Variants in CDH1 observed in about 807,000 individuals in gnomAD.
The protein encoded by CDH1 is cadherin 1.
A neutral mutation model predicts 84.5 loss-of-function variants in CDH1; 35 were observed. The ratio of observed to expected loss-of-function variants is 0.41; its 90% CI spans 0.32 to 0.55. The LOEUF is 0.55. Among genes scored for constraint, CDH1 ranks in the 20% least tolerant of loss-of-function variants. The probability of loss-of-function intolerance (pLI) is 0.19; values close to 1 mark genes in which losing one functional copy is unlikely to be tolerated. For synonymous variants in CDH1, 417 were observed against 439.0 expected (o/e 0.95, Z 0.63); for missense variants, 994 against 1,126.6 (o/e 0.88, Z 1.68).
At chr16:68,828,121 G>A (rs1222375307) in intron 13 of CDH1, 53 bp from the exon 14 acceptor site, 5 of 1,608,310 alleles carry the variant, frequency 3.1e-6, no homozygotes, top group East Asian at 4.5e-5. Flanking sequence ...GCTGCTTCTG[G>A]CCTTCTTTAT....
In CDH1 at chr16:68,823,397, A is replaced by G. The variant is rs758746072; in HGVS notation, c.1937-2A>G. 6.2e-7 allele frequency: 1 copy of G among 1,603,292 alleles called. No individual in the cohort carries two copies. Among genetic ancestry groups the G allele is most frequent in the South Asian group, 1.1e-5 (1 of 90,856 alleles). On this transcript the variant is annotated splice_acceptor_variant, in intron 12 of 15. Transcript: ENST00000261769. LOFTEE classifies it high-confidence loss of function. ...ATCATTTCTTTTTATTGCTTTCTCC[A>G]GCCCAAGAATCTATCATTTTGAAGC...
intron 2 of CDH1, among the ~76,000 whole-genome samples, chr16:68,788,764 C>T (rs1960134065): frequency 6.6e-6 from 1 of 151,842 alleles, no homozygotes; most frequent in Admixed American, 6.6e-5. Context: ...TTTTGGAGGC[C>T]GAGACGGGTG....
intron 2 of CDH1, among the ~76,000 whole-genome samples, chr16:68,742,752 C>T (rs550487404): frequency 2.4e-4 from 36 of 152,288 alleles, no homozygotes; most frequent in Middle Eastern, 3.4e-3. Context: ...ATGTGCTGAA[C>T]GTTTCAGAAA....
chr16:68,757,638 G>T (rs1963046819), intron 2 of CDH1, among the ~76,000 whole-genome samples: 1 of 152,132 alleles, frequency 6.6e-6, no homozygotes, highest in Admixed American at 6.6e-5. Context: ...TAGAGAAGAT[G>T]AACTGGGAGG....
rs1555518209 is a variant in CDH1 at position 68,833,286 on chromosome 16, T to C, written c.2440-4T>C. 1 of 1,613,798 alleles carries C rather than the reference T, an allele frequency of 6.2e-7. No homozygotes were observed. The highest frequency in any genetic ancestry group is 8.5e-7 in the Non-Finnish European group (1 of 1,179,714). ...AAAAGATGCTTTTGTCCCTTCTTCT[T>C]TAGAATCTGAAAGCGGCTGATACTG... On this transcript the variant is annotated splice_region_variant and splice_polypyrimidine_tract_variant and intron_variant, in intron 15 of 15. Transcript: ENST00000261769.
intron 2 of CDH1, among the ~76,000 whole-genome samples, chr16:68,794,686 T>A (rs1182703222): frequency 1.4e-5 from 1 of 69,314 alleles, no homozygotes; most frequent in Admixed American, 1.4e-4. Flanking sequence ...CCGGGCTAAC[T>A]TTTTTTTTTT....
Position 68,829,542 on chromosome 16 carries a change from C to T in CDH1, c.2296-112C>T, listed in dbSNP as rs1961419959. ...TTGCATTAAACTGGTAAAGATCATACAGTTGGCAGTGAAGGCATCATCCAA... is the reference window on the plus strand; with the variant it reads ...TTGCATTAAACTGGTAAAGATCATATAGTTGGCAGTGAAGGCATCATCCAA... On this transcript the variant is annotated intron_variant, in intron 14 of 15. Transcript: ENST00000261769. 3 of 1,033,030 alleles carry T rather than the reference C, an allele frequency of 2.9e-6. No homozygotes were observed. The East Asian group carries it at 7.6e-5, about 26-fold the overall frequency. The allele number at this position is 1,033,030 out of a possible 1,614,324, so 64.0% of individuals were successfully genotyped here.
At chr16:68,832,005 C>T (rs1790614925) in intron 15 of CDH1, among the ~76,000 whole-genome samples, 1 of 152,092 alleles carries the variant, frequency 6.6e-6, no homozygotes, top group Non-Finnish European at 1.5e-5. Flanking sequence ...GAGCTGGAGG[C>T]CATTATCCTT....
intron 2 of CDH1, among the ~76,000 whole-genome samples, chr16:68,762,735 C>G (rs192275784): frequency 1.3e-5 from 2 of 151,990 alleles, no homozygotes; most frequent in East Asian, 3.9e-4. Flanking sequence ...ATGGCGAAAC[C>G]CAGTCTGTAC....
intron 2 of CDH1, among the ~76,000 whole-genome samples, chr16:68,742,001 T>C (rs1308134037): frequency 6.6e-6 from 1 of 152,146 alleles, no homozygotes; most frequent in Non-Finnish European, 1.5e-5. Flanking sequence ...TTGCTGCTTA[T>C]TTTCCTTCTT....
chr16:68,771,587 A>G (rs1959575565), intron 2 of CDH1, among the ~76,000 whole-genome samples: 1 of 152,046 alleles, frequency 6.6e-6, no homozygotes, highest in Non-Finnish European at 1.5e-5. Context: ...CCCCGTCTCT[A>G]TTAAAAATAC....
At chr16:68,812,063 G>T in intron 7 of CDH1, 72 bp from the exon 8 acceptor site, 1 of 1,607,824 alleles carries the variant, frequency 6.2e-7, no homozygotes, top group Non-Finnish European at 8.5e-7. Context: ...CTGGTTCCAT[G>T]TGTTGGGCTG....
At chr16:68,739,955 G>C (rs1962515331) in intron 2 of CDH1, among the ~76,000 whole-genome samples, 1 of 152,070 alleles carries the variant, frequency 6.6e-6, no homozygotes, top group South Asian at 2.1e-4. Context: ...TGGTAGTTCT[G>C]ACTCAGGATG....
chr16:68,810,082 C>T lies in CDH1; in HGVS notation c.688-115C>T. On this transcript the variant is annotated intron_variant, in intron 5 of 15. Transcript: ENST00000261769. The stretch of plus-strand genomic sequence containing the variant: ...GTGAGAAAAGTCACCCACTGGGGGT[C>T]TCAGAGCCTAGGAAGGTGTGGCAGC... The T allele has an allele frequency of 3.8e-6, 4 of 1,065,422 alleles. No individual in the cohort carries two copies. The South Asian group carries it at 5.0e-5, about 13-fold the overall frequency. The allele number at this position is 1,065,422 out of a possible 1,614,324, so 66.0% of individuals were successfully genotyped here.
intron 15 of CDH1, among the ~76,000 whole-genome samples, chr16:68,832,344 T>G (rs974715925): frequency 1.3e-5 from 2 of 151,612 alleles, no homozygotes; most frequent in Admixed American, 6.6e-5. Context: ...GGTGTGGGGG[T>G]ACACACCTGT....
At chr16:68,737,876 C>A (rs1049612076) in intron 1 of CDH1, among the ~76,000 whole-genome samples, 12 of 152,144 alleles carry the variant, frequency 7.9e-5, no homozygotes, top group African/African-American at 2.2e-4. Flanking sequence ...AATAAAGGCA[C>A]CTGCCATGCC....
intron 2 of CDH1, among the ~76,000 whole-genome samples, chr16:68,754,001 C>A (rs1962955120): frequency 6.6e-6 from 1 of 151,736 alleles, no homozygotes; most frequent in Non-Finnish European, 1.5e-5. Context: ...CGCCTATAGT[C>A]CCAGCTACTT....
At chr16:68,780,650 G>A (rs1356025706) in intron 2 of CDH1, among the ~76,000 whole-genome samples, 1 of 152,172 alleles carries the variant, frequency 6.6e-6, no homozygotes, top group Non-Finnish European at 1.5e-5. Flanking sequence ...TGGCTAAAGG[G>A]CCTTGGAGTC....
intron 5 of CDH1, among the ~76,000 whole-genome samples, chr16:68,809,188 G>T (rs1438222384): frequency 1.3e-5 from 2 of 151,830 alleles, no homozygotes; most frequent in African/African-American, 2.4e-5. Flanking sequence ...CCATTTCTTG[G>T]GCTTGGCAGC....
Sources: allele counts gnomAD v4.1 joint callset (sites outside exome capture counted in the v4.1 genomes callset), GRCh38; gene constraint gnomAD v4.1.1; transcripts MANE v1.5; gene names NCBI Gene and HGNC (gene_info 2026-07-23, HGNC 2026-07-21).